PDK1: variants seen among roughly 807,000 people sequenced by gnomAD.
PDK1 encodes the protein [Pyruvate dehydrogenase (acetyl-transferring)] kinase isozyme 1, mitochondrial.
A neutral mutation model predicts 54.2 loss-of-function variants in PDK1; 39 were observed. That is an observed-to-expected ratio of 0.72 (90% CI 0.56 to 0.94). The LOEUF (loss-of-function observed/expected upper bound fraction) is 0.94. Among genes scored for constraint, PDK1 ranks in the 40% least tolerant of loss-of-function variants. The pLI, the probability that PDK1 is intolerant of heterozygous loss-of-function variation, is 0.00. For synonymous variants in PDK1, 221 were observed against 207.1 expected (o/e 1.07, Z -0.58); for missense variants, 552 against 566.0 (o/e 0.98, Z 0.25).
At chr2:172,590,264 G>A (rs1690493999) in intron 9 of PDK1, among the ~76,000 whole-genome samples, 1 of 152,200 alleles carries the variant, frequency 6.6e-6, no homozygotes, top group Non-Finnish European at 1.5e-5. Context: ...ATATTGCCAA[G>A]AGCAGTATTG....
In PDK1 at chr2:172,563,571, C is replaced by T. The variant is rs751853627; in HGVS notation, c.411-932C>T. Among the ~76,000 whole-genome samples, 7 of 152,306 alleles carry T rather than the reference C, an allele frequency of 4.6e-5. No homozygotes were observed. The East Asian group carries it at 9.7e-4, about 21-fold the overall frequency. ...TTCTTGGGCCGGGCACGGTGGCTCA[C>T]GCCTGTAATCCCAGCACTTTGGGAG... On this transcript the variant is annotated intron_variant, in intron 3 of 10. Coordinates refer to ENST00000282077, the MANE Select transcript of PDK1 (RefSeq NM_002610.5).
the PDK1 span, among the ~76,000 whole-genome samples, chr2:172,719,499 C>A: frequency 6.6e-6 from 1 of 152,114 alleles, no homozygotes; most frequent in Non-Finnish European, 1.5e-5. Flanking sequence ...TAAGTTTAAA[C>A]ATTCTGTTAG....
At chr2:172,611,936 A>C (rs113909357), downstream of PDK1, among the ~76,000 whole-genome samples, 2,749 of 152,394 alleles carry the variant, frequency 0.018, 91 homozygotes, top group African/African-American at 0.063. Context: ...TGATGTAAGA[A>C]TAATACTTTT....
the PDK1 span, among the ~76,000 whole-genome samples, chr2:172,636,505 A>G: frequency 6.6e-6 from 1 of 152,114 alleles, no homozygotes; most frequent in Non-Finnish European, 1.5e-5. Context: ...GGATCACCTG[A>G]GGTCAGGAGT....
the PDK1 span, among the ~76,000 whole-genome samples, chr2:172,702,475 TAAA>T: frequency 2.9e-4 from 41 of 141,244 alleles, no homozygotes; most frequent in South Asian, 8.9e-4. Context: ...AGACTTTGTT[TAAA>T]AAAAAAAAAA....
the PDK1 span, among the ~76,000 whole-genome samples, chr2:172,665,838 A>G: frequency 6.6e-6 from 1 of 152,144 alleles, no homozygotes; most frequent in Non-Finnish European, 1.5e-5. Context: ...TGTCTATGGA[A>G]ATGGTCAGAC....
chr2:172,575,486 C>G (rs1325085766), intron 8 of PDK1, among the ~76,000 whole-genome samples: 3 of 152,102 alleles, frequency 2.0e-5, no homozygotes, highest in African/African-American at 4.8e-5. Flanking sequence ...AGTTCAATCT[C>G]TATTTGTTAT....
At chr2:172,562,661 G>C in intron 3 of PDK1, 1 of 795,500 alleles carries the variant, frequency 1.3e-6, no homozygotes, top group Non-Finnish European at 2.1e-6. Context: ...TTAAAGGAAA[G>C]CTACAAGTCT....
intron 9 of PDK1, among the ~76,000 whole-genome samples, chr2:172,592,497 CTCTCTGACTTTCTG>C (rs1690654024): frequency 3.3e-5 from 5 of 152,070 alleles, no homozygotes; most frequent in African/African-American, 7.2e-5. Flanking sequence ...CTCTGTCTCT[CTCTCTGACTTTCTG>C]TCTCTTTCTC....
chr2:172,593,426 C>CT (rs922341455), intron 10 of PDK1, among the ~76,000 whole-genome samples: 12 of 151,996 alleles, frequency 7.9e-5, no homozygotes, highest in South Asian at 2.1e-4. Context: ...GTCACATTGT[C>CT]TTTTTTGCAA....
rs2149327683 is a variant in PDK1, at chr2:172,608,611, T to C, written c.*12642T>C. On this transcript the variant is annotated 3_prime_UTR_variant, in exon 11 of 11. Transcript: ENST00000282077. ...AACTATCTTTTATTTTTTTGAATTG[T>C]ATCTCTCTCCTTATTCCATTTTCTT... 6.6e-6 allele frequency: 1 copy of C among 152,336 alleles called. No homozygotes were observed. Among genetic ancestry groups the C allele is most frequent in the East Asian group, 1.9e-4 (1 of 5,184 alleles). The allele number at this position is 152,336 out of a possible 1,614,324, so 9.4% of individuals were successfully genotyped here.
the PDK1 span, among the ~76,000 whole-genome samples, chr2:172,717,128 T>A: frequency 6.6e-6 from 1 of 152,238 alleles, no homozygotes; most frequent in African/African-American, 2.4e-5. Context: ...GCAGAAATGA[T>A]GGTATCTCAC....
At chr2:172,646,408 A>G in the PDK1 span, among the ~76,000 whole-genome samples, 1 of 152,158 alleles carries the variant, frequency 6.6e-6, no homozygotes, top group Admixed American at 6.5e-5. Context: ...TGACAGCCTC[A>G]TAGAGGCACC....
chr2:172,625,002 A>T, the PDK1 span, among the ~76,000 whole-genome samples: 5 of 151,666 alleles, frequency 3.3e-5, no homozygotes, highest in African/African-American at 1.2e-4. Flanking sequence ...AAAAAAAAAC[A>T]TGCCAGGGAG....
the PDK1 span, among the ~76,000 whole-genome samples, chr2:172,665,927 A>C: frequency 2.0e-5 from 3 of 152,228 alleles, no homozygotes; most frequent in Non-Finnish European, 4.4e-5. Context: ...CTGGAGAAGC[A>C]GCAGTTATTT....
At chr2:172,682,517 G>C in the PDK1 span, among the ~76,000 whole-genome samples, 6 of 152,226 alleles carry the variant, frequency 3.9e-5, no homozygotes, top group African/African-American at 1.4e-4. Context: ...GTTGTCAGTG[G>C]AAGCAGCTGG....
At chr2:172,635,912 CG>C in the PDK1 span, among the ~76,000 whole-genome samples, 1 of 152,202 alleles carries the variant, frequency 6.6e-6, no homozygotes, top group African/African-American at 2.4e-5. Context: ...AACTGCTTCC[CG>C]TACCTTGCCT....
chr2:172,646,735 C>CTTTTTTGTTTTTT, the PDK1 span, among the ~76,000 whole-genome samples: 2 of 72,060 alleles, frequency 2.8e-5, no homozygotes, highest in African/African-American at 5.2e-5. Context: ...CTTGCATTTC[C>CTTTTTTGTTTTTT]TTTTTTTTTT....
chr2:172,633,651 T>C, the PDK1 span, among the ~76,000 whole-genome samples: 1 of 151,076 alleles, frequency 6.6e-6, no homozygotes. Context: ...GATGAACAAA[T>C]ATTGACATTT....
Sources: allele counts gnomAD v4.1 joint callset (sites outside exome capture counted in the v4.1 genomes callset), GRCh38; gene constraint gnomAD v4.1.1; transcripts MANE v1.5; gene names NCBI Gene and HGNC (gene_info 2026-07-23, HGNC 2026-07-21).